The following MIS18A variants were observed in gnomAD, a reference collection of about 807,000 sequenced individuals.
MIS18A encodes protein Mis18-alpha.
Under a neutral mutation model 25.0 loss-of-function variants are expected in MIS18A, and 14 were observed. The ratio of observed to expected loss-of-function variants is 0.56; its 90% CI spans 0.37 to 0.88. The LOEUF is 0.88. Among genes scored for constraint, MIS18A ranks in the 40% least tolerant of loss-of-function variants. The pLI, the probability that MIS18A is intolerant of heterozygous loss-of-function variation, is 0.00. For synonymous variants in MIS18A, 134 were observed against 118.6 expected (o/e 1.13, Z -0.84); for missense variants, 292 against 290.8 (o/e 1.00, Z -0.03).
chr21:32,217,280 A>G, the MIS18A span, among the ~76,000 whole-genome samples: 3 of 152,194 alleles, frequency 2.0e-5, no homozygotes, highest in Non-Finnish European at 4.4e-5. Context: ...GAGAATACCA[A>G]TAAAGAGACA....
the MIS18A span, among the ~76,000 whole-genome samples, chr21:32,252,078 C>A: frequency 2.6e-5 from 4 of 152,036 alleles, no homozygotes; most frequent in Admixed American, 6.6e-5. Context: ...CCCAGCTACT[C>A]AGAAGGGTGA....
chr21:32,194,304 AT>A, the MIS18A span, among the ~76,000 whole-genome samples: 1 of 151,598 alleles, frequency 6.6e-6, no homozygotes, highest in Middle Eastern at 3.4e-3. Context: ...CAATAATTGG[AT>A]AAAAAATATT....
the MIS18A span, among the ~76,000 whole-genome samples, chr21:32,157,528 T>C: frequency 1.5e-3 from 234 of 152,104 alleles, 4 homozygotes; most frequent in Admixed American, 0.013. Flanking sequence ...AAGTTTTTTT[T>C]TGTTATTGTT....
At chr21:32,225,006 C>T in the MIS18A span, among the ~76,000 whole-genome samples, 2 of 140,148 alleles carry the variant, frequency 1.4e-5, no homozygotes, top group Admixed American at 7.3e-5. Flanking sequence ...TTTGACAAAC[C>T]TGAGAAAAAC....
chr21:32,177,239 C>A, the MIS18A span, among the ~76,000 whole-genome samples: 1 of 151,980 alleles, frequency 6.6e-6, no homozygotes, highest in African/African-American at 2.4e-5. Flanking sequence ...GAAAAGCATC[C>A]AATAAAATTT....
At chr21:32,223,896 C>A in the MIS18A span, among the ~76,000 whole-genome samples, 1 of 152,176 alleles carries the variant, frequency 6.6e-6, no homozygotes, top group Admixed American at 6.5e-5. Flanking sequence ...AATGGTCAAC[C>A]AAATCCAGTA....
At chr21:32,195,084 G>A in the MIS18A span, among the ~76,000 whole-genome samples, 50 of 152,252 alleles carry the variant, frequency 3.3e-4, no homozygotes, top group African/African-American at 1.2e-3. Flanking sequence ...AATTCATAAA[G>A]TAAAAAGCAG....
At chr21:32,210,951 T>G in the MIS18A span, among the ~76,000 whole-genome samples, 1 of 152,226 alleles carries the variant, frequency 6.6e-6, no homozygotes, top group African/African-American at 2.4e-5. Flanking sequence ...AATACTTTCC[T>G]GAGTCTGCCT....
the MIS18A span, among the ~76,000 whole-genome samples, chr21:32,247,292 G>A: frequency 4.6e-5 from 7 of 152,258 alleles, no homozygotes; most frequent in East Asian, 5.8e-4. Flanking sequence ...CACTCATCCC[G>A]TGGCTCAGGA....
the MIS18A span, among the ~76,000 whole-genome samples, chr21:32,208,413 C>G: frequency 6.6e-6 from 1 of 152,064 alleles, no homozygotes; most frequent in African/African-American, 2.4e-5. Flanking sequence ...GAGACCTCCC[C>G]CCTCTCTTGC....
chr21:32,239,474 C>T, the MIS18A span, among the ~76,000 whole-genome samples: 1 of 152,160 alleles, frequency 6.6e-6, no homozygotes, highest in East Asian at 1.9e-4. Flanking sequence ...ATCATTTTCA[C>T]CCAGAAATGT....
chr21:32,160,471 T>C, the MIS18A span, among the ~76,000 whole-genome samples: 1 of 152,036 alleles, frequency 6.6e-6, no homozygotes, highest in African/African-American at 2.4e-5. Flanking sequence ...ACTCAGGAGC[T>C]CCTGACAACA....
downstream of MIS18A, among the ~76,000 whole-genome samples, chr21:32,266,058 C>T (rs2031593169): frequency 1.3e-5 from 2 of 151,298 alleles, no homozygotes; most frequent in South Asian, 4.2e-4. Context: ...CGTGGAGAAC[C>T]TTTATGTCTA....
At chr21:32,237,591 T>C in the MIS18A span, among the ~76,000 whole-genome samples, 5 of 152,158 alleles carry the variant, frequency 3.3e-5, no homozygotes, top group African/African-American at 7.2e-5. Context: ...CATTTCATAA[T>C]TGATCACTGA....
the MIS18A span, among the ~76,000 whole-genome samples, chr21:32,203,776 C>G: frequency 4.0e-5 from 6 of 151,762 alleles, no homozygotes; most frequent in South Asian, 8.3e-4. Flanking sequence ...GCCACCATGC[C>G]CAGCTAATTT....
rs1359907688 is a variant in MIS18A, at chr21:32,268,337, T to C, written c.*700A>G. 6.6e-6 allele frequency: 1 copy of C among 152,212 alleles called. No individual in the cohort carries two copies. The highest frequency in any genetic ancestry group is 1.5e-5 in the Non-Finnish European group (1 of 68,042). The allele number at this position is 152,212 out of a possible 1,614,324, so 9.4% of individuals were successfully genotyped here. A position where few individuals can be genotyped will look rare whatever the true frequency, so the allele number is the denominator to read the frequency against. ...TCCCCCAGAATCCCACCCTCAGAGA[T>C]GGTTACTCCTCTTTGGTAAGTATTC... On this transcript the variant is annotated 3_prime_UTR_variant, in exon 5 of 5. Transcript: ENST00000290130.
chr21:32,274,197 CTTTTTTTTTTTTT>C (rs1184186125), intron 2 of MIS18A, among the ~76,000 whole-genome samples: 2 of 72,770 alleles, frequency 2.7e-5, no homozygotes, highest in Admixed American at 1.7e-4. Flanking sequence ...TCCTTTTCTT[CTTTTTTTTTTTTT>C]TTTTTTTTTT....
At chr21:32,254,426 G>T in the MIS18A span, among the ~76,000 whole-genome samples, 21 of 151,668 alleles carry the variant, frequency 1.4e-4, no homozygotes, top group Non-Finnish European at 2.9e-5. Flanking sequence ...AGTTACTTGG[G>T]AAGCTGAGGC....
chr21:32,176,680 C>G, the MIS18A span, among the ~76,000 whole-genome samples: 162 of 151,112 alleles, frequency 1.1e-3, no homozygotes, highest in African/African-American at 3.8e-3. Context: ...ACAGCAGGAA[C>G]ATAAAACAAG....
Sources: gnomAD v4.1 joint callset for allele counts (sites outside exome capture counted in the v4.1 genomes callset) on GRCh38, gnomAD v4.1.1 for gene constraint, MANE v1.5 for transcripts, NCBI Gene and HGNC (gene_info 2026-07-23, HGNC 2026-07-21) for gene names.